The following MSRB3 variants were observed in gnomAD, a reference collection of about 807,000 sequenced individuals.
The protein encoded by MSRB3 is methionine sulfoxide reductase B3, also known as methionine-R-sulfoxide reductase B3.
MSRB3 carries 13 observed loss-of-function variants against 21.0 expected under a neutral mutation model. The ratio of observed to expected loss-of-function variants is 0.62; its 90% CI spans 0.40 to 0.98. The LOEUF (loss-of-function observed/expected upper bound fraction) is 0.98, where lower values mean the gene tolerates loss of function less well. Among genes scored for constraint, MSRB3 ranks in the 50% least tolerant of loss-of-function variants. The pLI is 0.00. For synonymous variants in MSRB3, 87 were observed against 88.6 expected, an observed-to-expected ratio of 0.98 and a Z score of 0.10; for missense variants, 199 against 230.3, an observed-to-expected ratio of 0.86 and a Z score of 0.88.
chr12:65,397,784 A>G (rs184425624), intron 5 of MSRB3, among the ~76,000 whole-genome samples: 11 of 151,978 alleles, frequency 7.2e-5, no homozygotes, highest in East Asian at 3.9e-4. Flanking sequence ...ACAGGCCCCA[A>G]TGTGTGATGT....
chr12:65,421,783 A>G (rs1310319934), intron 5 of MSRB3, among the ~76,000 whole-genome samples: 3 of 152,206 alleles, frequency 2.0e-5, no homozygotes, highest in African/African-American at 7.2e-5. Flanking sequence ...AACACATTTA[A>G]GTACACAGAC....
intron 1 of MSRB3, among the ~76,000 whole-genome samples, chr12:65,303,021 CT>C (rs11301128): frequency 0.59 from 88,681 of 151,234 alleles, 27,017 homozygotes; most frequent in African/African-American, 0.76. Context: ...GGCTTTGAGC[CT>C]TTTTTTTTGG....
chr12:65,461,084 AC>A (rs1883310331), intron 6 of MSRB3, among the ~76,000 whole-genome samples: 2 of 145,582 alleles, frequency 1.4e-5, no homozygotes, highest in Non-Finnish European at 1.5e-5. Flanking sequence ...ACACACACAC[AC>A]CCCTAAGGCT....
chr12:65,283,206 T>C (rs1344603170), intron 1 of MSRB3, among the ~76,000 whole-genome samples: 1 of 152,224 alleles, frequency 6.6e-6, no homozygotes, highest in Non-Finnish European at 1.5e-5. Context: ...TCCTACTGCC[T>C]GGACCTCTTC....
intron 4 of MSRB3, among the ~76,000 whole-genome samples, chr12:65,348,095 C>T (rs1876654068): frequency 6.6e-6 from 1 of 152,116 alleles, no homozygotes; most frequent in African/African-American, 2.4e-5. Context: ...TGATGCTGGC[C>T]TCATAAAATG....
intron 5 of MSRB3, among the ~76,000 whole-genome samples, chr12:65,420,524 A>G (rs1182327265): frequency 6.6e-6 from 1 of 152,028 alleles, no homozygotes; most frequent in Non-Finnish European, 1.5e-5. Context: ...GGTTTGTTAT[A>G]TAGGTAAACT....
At chr12:65,351,309 A>C (rs1400543026) in intron 4 of MSRB3, among the ~76,000 whole-genome samples, 2 of 149,196 alleles carry the variant, frequency 1.3e-5, no homozygotes, top group Non-Finnish European at 2.9e-5. Flanking sequence ...ACACATTCAA[A>C]GAAGTGTGTA....
At chr12:65,344,263 G>C (rs1422418395) in intron 4 of MSRB3, 1 of 151,912 alleles carries the variant, frequency 6.6e-6, no homozygotes, top group Non-Finnish European at 1.5e-5. Context: ...ATTCTGGGAA[G>C]GTTTGTTTGT....
chr12:65,340,782 G>A (rs1001196490), intron 4 of MSRB3, among the ~76,000 whole-genome samples: 6 of 151,628 alleles, frequency 4.0e-5, no homozygotes, highest in African/African-American at 4.8e-5. Flanking sequence ...CTATTTTAAC[G>A]TAAGAGAATA....
intron 5 of MSRB3, among the ~76,000 whole-genome samples, chr12:65,407,236 A>G (rs1322364209): frequency 1.3e-5 from 2 of 151,894 alleles, no homozygotes; most frequent in Non-Finnish European, 2.9e-5. Context: ...AATGGTTTTG[A>G]AAAACCGCAA....
intron 4 of MSRB3, among the ~76,000 whole-genome samples, chr12:65,362,769 G>A (rs922973108): frequency 6.6e-6 from 1 of 152,164 alleles, no homozygotes; most frequent in African/African-American, 2.4e-5. Flanking sequence ...GTATAGTAGA[G>A]TGGGGGAGGG....
intron 5 of MSRB3, among the ~76,000 whole-genome samples, chr12:65,425,688 CT>C (rs547536581): frequency 5.6e-4 from 84 of 151,246 alleles, no homozygotes; most frequent in Non-Finnish European, 8.1e-4. Flanking sequence ...CAGTTTACAT[CT>C]TTTTTTTTGT....
intron 5 of MSRB3, among the ~76,000 whole-genome samples, chr12:65,370,223 G>A (rs964375580): frequency 1.3e-5 from 2 of 152,132 alleles, no homozygotes; most frequent in African/African-American, 2.4e-5. Flanking sequence ...TGTGTCAACT[G>A]TTTGACTCCT....
chr12:65,394,875 G>C (rs12816912), intron 5 of MSRB3, among the ~76,000 whole-genome samples: 1 of 151,982 alleles, frequency 6.6e-6, no homozygotes, highest in Admixed American at 6.6e-5. Context: ...AATCTTTCAT[G>C]ATAAACACAC....
intron 6 of MSRB3, among the ~76,000 whole-genome samples, chr12:65,454,678 GCT>G (rs1883012532): frequency 6.6e-6 from 1 of 152,190 alleles, no homozygotes; most frequent in South Asian, 2.1e-4. Context: ...TTCCTTTTCT[GCT>G]TCTCCTGATA....
chr12:65,457,196 A>T (rs1883127023), intron 6 of MSRB3, among the ~76,000 whole-genome samples: 1 of 151,356 alleles, frequency 6.6e-6, no homozygotes, highest in African/African-American at 2.4e-5. Context: ...TCTGCTCAGA[A>T]CTTCTCCCGT....
intron 5 of MSRB3, among the ~76,000 whole-genome samples, chr12:65,433,820 C>A (rs1195158586): frequency 6.6e-6 from 1 of 151,884 alleles, no homozygotes; most frequent in Non-Finnish European, 1.5e-5. Flanking sequence ...CTCTTAGCTT[C>A]CTATCCTGCA....
intron 6 of MSRB3, among the ~76,000 whole-genome samples, chr12:65,459,550 A>G (rs544612784): frequency 1.1e-4 from 16 of 152,348 alleles, no homozygotes; most frequent in African/African-American, 3.6e-4. Flanking sequence ...AGTGTCTTCA[A>G]TAACAGTGGG....
chr12:65,352,673 GACAA>G (rs1246560231), intron 4 of MSRB3, among the ~76,000 whole-genome samples: 4 of 151,800 alleles, frequency 2.6e-5, no homozygotes, highest in Non-Finnish European at 5.9e-5. Context: ...ACCAATAACA[GACAA>G]ACAGAGAGCC....
Sources: allele counts gnomAD v4.1 joint callset (sites outside exome capture counted in the v4.1 genomes callset), GRCh38; gene constraint gnomAD v4.1.1; transcripts MANE v1.5; gene names NCBI Gene and HGNC (gene_info 2026-07-23, HGNC 2026-07-21).